PCDH9: variants seen among roughly 807,000 people sequenced by gnomAD.
PCDH9 encodes the protein protocadherin-9.
Under a neutral mutation model 70.6 loss-of-function variants are expected in PCDH9, and 24 were observed. The ratio of observed to expected loss-of-function variants is 0.34; its 90% confidence interval spans 0.25 to 0.48. PCDH9 has a LOEUF of 0.48. Among genes scored for constraint, PCDH9 ranks in the 20% least tolerant of loss-of-function variants. The pLI, the probability that PCDH9 is intolerant of heterozygous loss-of-function variation, is 0.99. For missense variants in PCDH9, 1,281 were observed against 1,503.6 expected (o/e 0.85, Z 2.45); for synonymous variants, 562 against 558.5 (o/e 1.01, Z -0.09).
intron 3 of PCDH9, among the ~76,000 whole-genome samples, chr13:66,792,142 A>C (rs2080173461): frequency 1.3e-5 from 2 of 152,184 alleles, no homozygotes; most frequent in Non-Finnish European, 2.9e-5. Context: ...GTAAATGAAA[A>C]CATTTTTCTT....
At chr13:66,802,584 A>T (rs2080344396) in intron 3 of PCDH9, among the ~76,000 whole-genome samples, 1 of 152,008 alleles carries the variant, frequency 6.6e-6, no homozygotes, top group South Asian at 2.1e-4. Flanking sequence ...AATCTGATAT[A>T]AAAAATGTAC....
chr13:66,688,608 T>G (rs2078438381), intron 3 of PCDH9, among the ~76,000 whole-genome samples: 1 of 152,148 alleles, frequency 6.6e-6, no homozygotes, highest in Non-Finnish European at 1.5e-5. Context: ...TTACCTTCCT[T>G]TGTGATGTGG....
chr13:66,962,522 C>T (rs1356480093), intron 2 of PCDH9, among the ~76,000 whole-genome samples: 1 of 152,186 alleles, frequency 6.6e-6, no homozygotes, highest in Non-Finnish European at 1.5e-5. Flanking sequence ...CACTATATAC[C>T]TAGGTTATAT....
At chr13:66,406,157 G>A (rs1289902152) in intron 4 of PCDH9, among the ~76,000 whole-genome samples, 1 of 152,146 alleles carries the variant, frequency 6.6e-6, no homozygotes. Context: ...TCTTCAAGCA[G>A]TGCCGACCTT....
chr13:66,606,246 C>T (rs777751200), intron 4 of PCDH9, among the ~76,000 whole-genome samples: 1 of 152,056 alleles, frequency 6.6e-6, no homozygotes. Context: ...GGAAAATGCA[C>T]ACATCTCCCT....
intron 4 of PCDH9, among the ~76,000 whole-genome samples, chr13:66,319,936 T>C (rs1034537714): frequency 3.9e-5 from 6 of 152,102 alleles, no homozygotes; most frequent in Non-Finnish European, 5.9e-5. Flanking sequence ...CTACCATTAA[T>C]GCTGACAGGC....
chr13:66,748,761 T>C (rs1265019479), intron 3 of PCDH9, among the ~76,000 whole-genome samples: 2 of 152,166 alleles, frequency 1.3e-5, no homozygotes, highest in South Asian at 4.1e-4. Context: ...CAAACACAGA[T>C]ACATAAAACA....
chr13:66,540,476 C>T (rs1960906903), intron 4 of PCDH9, among the ~76,000 whole-genome samples: 1 of 152,010 alleles, frequency 6.6e-6, no homozygotes, highest in African/African-American at 2.4e-5. Flanking sequence ...TATTATTAAG[C>T]TTTTTTTACA....
At chr13:66,475,839 G>A (rs61957636) in intron 4 of PCDH9, among the ~76,000 whole-genome samples, 1 of 151,936 alleles carries the variant, frequency 6.6e-6, no homozygotes, top group East Asian at 1.9e-4. Flanking sequence ...AAGCATTCAC[G>A]ACCACATTGC....
intron 2 of PCDH9, among the ~76,000 whole-genome samples, chr13:67,154,607 C>T (rs139669156): frequency 0.57 from 36,850 of 64,848 alleles, 9,412 homozygotes; most frequent in Non-Finnish European, 0.68. Flanking sequence ...TATATATATA[C>T]ACACACACAC....
At chr13:66,791,370 T>C (rs2080161217) in intron 3 of PCDH9, among the ~76,000 whole-genome samples, 1 of 152,152 alleles carries the variant, frequency 6.6e-6, no homozygotes, top group African/African-American at 2.4e-5. Context: ...GAATTCATTA[T>C]TATGCTATGC....
At chr13:66,575,446 A>G (rs2138759546) in intron 4 of PCDH9, among the ~76,000 whole-genome samples, 1 of 152,198 alleles carries the variant, frequency 6.6e-6, no homozygotes, top group Admixed American at 6.5e-5. Flanking sequence ...CTACTCAAAA[A>G]TCTGGGAATG....
intron 4 of PCDH9, among the ~76,000 whole-genome samples, chr13:66,340,256 G>A (rs1027666051): frequency 2.0e-5 from 3 of 152,254 alleles, no homozygotes; most frequent in Admixed American, 6.5e-5. Context: ...GGAGCTTATC[G>A]TTTTTTGTCC....
chr13:66,544,984 G>A (rs1961123305), intron 4 of PCDH9, among the ~76,000 whole-genome samples: 1 of 152,084 alleles, frequency 6.6e-6, no homozygotes. Context: ...TTTTATTCAG[G>A]CTGATCTAAT....
chr13:66,892,777 T>C (rs1425788329), intron 3 of PCDH9, among the ~76,000 whole-genome samples: 1 of 152,082 alleles, frequency 6.6e-6, no homozygotes, highest in African/African-American at 2.4e-5. Context: ...TTATTGAAGA[T>C]TATATCTAAA....
chr13:67,035,874 TG>T (rs1189081879), intron 2 of PCDH9, among the ~76,000 whole-genome samples: 1 of 152,166 alleles, frequency 6.6e-6, no homozygotes, highest in East Asian at 1.9e-4. Context: ...TATTTGTCCT[TG>T]GTTGATCTTC....
intron 3 of PCDH9, among the ~76,000 whole-genome samples, chr13:66,637,274 G>A (rs983700247): frequency 2.6e-5 from 4 of 152,088 alleles, no homozygotes; most frequent in Admixed American, 6.6e-5. Context: ...TTGCAGACTC[G>A]ACTTAAGGGT....
At chr13:66,950,151 C>T (rs78370986) in intron 2 of PCDH9, among the ~76,000 whole-genome samples, 4,348 of 152,030 alleles carry the variant, frequency 0.029, 197 homozygotes, top group African/African-American at 0.097. Flanking sequence ...TGTATTAAAG[C>T]AAAATCAGAT....
intron 4 of PCDH9, among the ~76,000 whole-genome samples, chr13:66,407,545 T>C (rs1957300532): frequency 1.3e-5 from 2 of 152,164 alleles, no homozygotes; most frequent in African/African-American, 4.8e-5. Flanking sequence ...GTAATTTCCA[T>C]GTAGGTATAA....
Sources: gnomAD v4.1 joint callset for allele counts (sites outside exome capture counted in the v4.1 genomes callset) on GRCh38, gnomAD v4.1.1 for gene constraint, MANE v1.5 for transcripts, NCBI Gene and HGNC (gene_info 2026-07-23, HGNC 2026-07-21) for gene names.